The following ZFP2 variants were observed in gnomAD, a reference collection of about 807,000 sequenced individuals.
The protein encoded by ZFP2 is ZFP2 zinc finger protein, also known as zinc finger protein ZFP2.
In ZFP2, 33 loss-of-function variants were observed where a neutral mutation model predicts 36.1. That is an observed-to-expected ratio of 0.92 (90% CI 0.69 to 1.22). ZFP2 has a LOEUF of 1.22. Among genes scored for constraint, ZFP2 ranks in the 50% most tolerant of loss-of-function variants. The probability of loss-of-function intolerance (pLI) is 0.00; values close to 1 mark genes in which losing one functional copy is unlikely to be tolerated. For missense variants in ZFP2, 522 were observed against 551.4 expected (o/e 0.95, Z 0.53); for synonymous variants, 170 against 178.0 (o/e 0.96, Z 0.36).
intron 1 of ZFP2, among the ~76,000 whole-genome samples, chr5:178,899,080 A>G (rs1055771015): frequency 1.3e-5 from 2 of 151,370 alleles, no homozygotes; most frequent in African/African-American, 4.9e-5. Context: ...GGTGGCCAGG[A>G]GAAGTAGGTA....
At chr5:178,915,505 G>T (rs1397384603) in intron 3 of ZFP2, among the ~76,000 whole-genome samples, 1 of 151,486 alleles carries the variant, frequency 6.6e-6, no homozygotes, top group Non-Finnish European at 1.5e-5. Flanking sequence ...GTAGAGACAG[G>T]GTTTCACTGT....
intron 3 of ZFP2, among the ~76,000 whole-genome samples, chr5:178,915,318 CTTTCTTTTTTTTTTTTTT>C (rs1407627186): frequency 8.9e-6 from 1 of 112,554 alleles, no homozygotes; most frequent in Admixed American, 1.1e-4. Flanking sequence ...AAAGGTTTTT[CTTTCTTTTTTTTTTTTTT>C]TTTTTTTTTG....
chr5:178,910,187 T>G, intron 1 of ZFP2: 1 of 1,558,120 alleles, frequency 6.4e-7, no homozygotes, highest in Non-Finnish European at 8.8e-7. Flanking sequence ...CAAAAATCTT[T>G]CTGGTGAATT....
Position 178,931,321 on chromosome 5 carries a change from G to C in ZFP2, c.8G>C (p.Arg3Thr), listed in dbSNP as rs746316421. The C allele has an allele frequency of 6.3e-7, 1 of 1,594,252 alleles. No homozygotes were observed. Reference sequence around the variant, plus strand: ...TTATGCCATGGGGTAACAATGGAAAGGGAAGGTATCTGGCATTCTACTCTA... The same window carrying C: ...TTATGCCATGGGGTAACAATGGAAACGGAAGGTATCTGGCATTCTACTCTA... ME[R>T]EGIWHSTLGE... The change falls in exon 5 of 5, where the codon AGG (arginine) becomes ACG (threonine). Residue 3 changes from arginine (R) to threonine (T), a missense_variant. Transcript: ENST00000361362.
Position 178,931,761 on chromosome 5 carries a change from A to C in ZFP2, c.448A>C (p.Arg150=), listed in dbSNP as rs1451359849. Residue 150 remains arginine (R), a synonymous_variant, in exon 5 of 5, where the codon AGA becomes CGA. Transcript: ENST00000361362. ...IERSSLTVHQ[R]IHTGEKPYKC... Reference sequence around the variant, plus strand: ...ACGATCCTCCCTTACTGTACATCAAAGAATTCATACTGGAGAGAAACCCTA... The same window carrying C: ...ACGATCCTCCCTTACTGTACATCAACGAATTCATACTGGAGAGAAACCCTA... The C allele has an allele frequency of 6.2e-7, 1 of 1,614,136 alleles. No individual in the cohort carries two copies. The highest frequency in any genetic ancestry group is 1.7e-5 in the Admixed American group (1 of 60,024).
intron 1 of ZFP2, among the ~76,000 whole-genome samples, chr5:178,908,244 C>T (rs1171126802): frequency 5.3e-5 from 8 of 152,100 alleles, no homozygotes; most frequent in East Asian, 3.9e-4. Context: ...GTCAGGAGAT[C>T]GAGACAATCC....
intron 1 of ZFP2, among the ~76,000 whole-genome samples, chr5:178,901,652 G>A (rs1758059246): frequency 6.6e-6 from 1 of 152,186 alleles, no homozygotes; most frequent in Non-Finnish European, 1.5e-5. Context: ...CCTGTTTTCA[G>A]ATGAGGTCCT....
intron 4 of ZFP2, among the ~76,000 whole-genome samples, chr5:178,923,937 T>A (rs1758611634): frequency 6.7e-6 from 1 of 149,404 alleles, no homozygotes; most frequent in Non-Finnish European, 1.5e-5. Flanking sequence ...TTGAAATACA[T>A]ACACAGAAGA....
intron 1 of ZFP2, among the ~76,000 whole-genome samples, chr5:178,906,440 A>T (rs1340975611): frequency 6.6e-6 from 1 of 152,132 alleles, no homozygotes; most frequent in Non-Finnish European, 1.5e-5. Flanking sequence ...TGCCTGCTAT[A>T]TCCTGTGTCT....
rs879511351 is a variant in ZFP2 at position 178,927,671 on chromosome 5, G to A, written c.-77-3566G>A. On this transcript the variant is annotated intron_variant, in intron 4 of 4. Coordinates refer to ENST00000361362, the MANE Select transcript of ZFP2 (RefSeq NM_030613.4). ...ACCATCATACCTGGCCAATGTGTGT[G>A]TGTGTGTGTGTGTGTGTGTGTGTGT... Among the ~76,000 whole-genome samples, 20 of 77,702 alleles carry A rather than the reference G, an allele frequency of 2.6e-4. No individual in the cohort carries two copies. The East Asian group carries it at 6.4e-3, about 25-fold the overall frequency. The allele number at this position is 77,702 out of a possible 152,430, so 51.0% of individuals were successfully genotyped here.
At position 178,914,467 on chromosome 5, in the gene ZFP2, ATTAC is replaced by A. The variant is rs1469934204; in HGVS notation, c.-224+1399_-224+1402del. On this transcript the variant is annotated intron_variant, in intron 3 of 4. Coordinates refer to ENST00000361362, the MANE Select transcript of ZFP2 (RefSeq NM_030613.4). ...TGGTATAAAATGAAAGGTAGTGTTA[ATTAC>A]TTTTATTACAGATTTCTATGGATTT... Among the ~76,000 whole-genome samples, 18 of 152,300 alleles carry A rather than the reference ATTAC, an allele frequency of 1.2e-4. 1 individual carries two copies. Among genetic ancestry groups the A allele is most frequent in the Middle Eastern group, 3.4e-3 (1 of 294 alleles).
rs1758877204 is a variant in ZFP2, at chr5:178,932,787, T to A, written c.*88T>A. ...CAATGTAGAAACCTAATAAATGTAA[T>A]GATTGTGGGAATCTTTCAGTTGAAG... On this transcript the variant is annotated 3_prime_UTR_variant, in exon 5 of 5. Coordinates refer to ENST00000361362, the MANE Select transcript of ZFP2 (RefSeq NM_030613.4). The A allele has an allele frequency of 2.7e-6, 4 of 1,454,546 alleles. No individual in the cohort carries two copies. Among genetic ancestry groups the A allele is most frequent in the Non-Finnish European group, 3.7e-6 (4 of 1,090,558 alleles). 90.1% of individuals were successfully genotyped at this position (1,454,546 alleles called of 1,614,324 possible).
chr5:178,902,114 G>A (rs1758070274), intron 1 of ZFP2, among the ~76,000 whole-genome samples: 1 of 152,194 alleles, frequency 6.6e-6, no homozygotes, highest in African/African-American at 2.4e-5. Context: ...CAGCCTGGGA[G>A]ACAGACTGAG....
intron 1 of ZFP2, among the ~76,000 whole-genome samples, chr5:178,911,183 T>C (rs890647868): frequency 6.6e-6 from 1 of 152,214 alleles, no homozygotes; most frequent in Non-Finnish European, 1.5e-5. Flanking sequence ...GAGAAAATGA[T>C]GTAGAAAGAA....
intron 3 of ZFP2, among the ~76,000 whole-genome samples, chr5:178,913,604 T>G (rs927530110): frequency 3.3e-5 from 5 of 152,220 alleles, no homozygotes; most frequent in Non-Finnish European, 7.3e-5. Flanking sequence ...TGTTTTCATT[T>G]CTAGCAGCCT....
At chr5:178,930,520 C>G (rs2113130264) in intron 4 of ZFP2, among the ~76,000 whole-genome samples, 1 of 151,970 alleles carries the variant, frequency 6.6e-6, no homozygotes. Flanking sequence ...GGGATTCCAC[C>G]ATTTTGGCCA....
intron 1 of ZFP2, among the ~76,000 whole-genome samples, chr5:178,908,294 A>G (rs1758209478): frequency 6.6e-6 from 1 of 151,954 alleles, no homozygotes; most frequent in African/African-American, 2.4e-5. Flanking sequence ...TAAAAATACA[A>G]AAAATTAGCT....
intron 4 of ZFP2, among the ~76,000 whole-genome samples, chr5:178,929,830 A>T (rs754107026): frequency 5.9e-5 from 9 of 151,754 alleles, no homozygotes; most frequent in Admixed American, 5.3e-4. Context: ...GTATTACTCA[A>T]TTCTCACATT....
intron 1 of ZFP2, among the ~76,000 whole-genome samples, chr5:178,896,315 G>A (rs1195445905): frequency 6.6e-6 from 1 of 152,210 alleles, no homozygotes; most frequent in Non-Finnish European, 1.5e-5. Context: ...GGTCAGGGAG[G>A]GGCCCAAGGT....
Sources: gnomAD v4.1 joint callset for allele counts (sites outside exome capture counted in the v4.1 genomes callset) on GRCh38, gnomAD v4.1.1 for gene constraint, MANE v1.5 for transcripts, NCBI Gene and HGNC (gene_info 2026-07-23, HGNC 2026-07-21) for gene names.